Variants in PDE1C observed in about 807,000 individuals in gnomAD.
The protein encoded by PDE1C is phosphodiesterase 1C, also known as dual specificity calcium/calmodulin-dependent 3',5'-cyclic nucleotide phosphodiesterase 1C.
PDE1C carries 62 observed loss-of-function variants against 93.1 expected under a neutral mutation model. That is an observed-to-expected ratio of 0.67 (90% CI 0.54 to 0.82). The LOEUF (loss-of-function observed/expected upper bound fraction) is 0.82, where lower values mean the gene tolerates loss of function less well. Among genes scored for constraint, PDE1C ranks in the 40% least tolerant of loss-of-function variants. The pLI, the probability that PDE1C is intolerant of heterozygous loss-of-function variation, is 0.00. For synonymous variants in PDE1C, 325 were observed against 310.1 expected (o/e 1.05, Z -0.50); for missense variants, 742 against 884.6 (o/e 0.84, Z 2.04).
At chr7:32,224,806 T>C (rs781529947) in intron 1 of PDE1C, among the ~76,000 whole-genome samples, 9 of 152,178 alleles carry the variant, frequency 5.9e-5, no homozygotes, top group Non-Finnish European at 8.8e-5. Context: ...CCTTTCATTT[T>C]GCTATTAACA....
chr7:32,112,832 GTGTGTGTGTGTGTGTA>G (rs1343171684), intron 3 of PDE1C, among the ~76,000 whole-genome samples: 3 of 57,810 alleles, frequency 5.2e-5, no homozygotes, highest in African/African-American at 9.5e-5. Flanking sequence ...GTGTGTGTGT[GTGTGTGTGTGTGTGTA>G]TATATATATA....
At chr7:31,760,771 C>CAT (rs1794782648) in intron 17 of PDE1C, among the ~76,000 whole-genome samples, 1 of 151,376 alleles carries the variant, frequency 6.6e-6, no homozygotes, top group South Asian at 2.1e-4. Flanking sequence ...CACACACACA[C>CAT]ACACACACAC....
At chr7:32,402,388 A>G (rs1784964511) in intron 1 of PDE1C, among the ~76,000 whole-genome samples, 1 of 152,152 alleles carries the variant, frequency 6.6e-6, no homozygotes, top group African/African-American at 2.4e-5. Context: ...AAGAACCAGG[A>G]CAGCTGATAG....
chr7:32,051,236 C>A (rs1159411249), intron 2 of PDE1C, among the ~76,000 whole-genome samples: 1 of 152,172 alleles, frequency 6.6e-6, no homozygotes, highest in Non-Finnish European at 1.5e-5. Flanking sequence ...TGCTCCCCAT[C>A]CATAAACCTT....
At chr7:31,644,719 A>C in the PDE1C span, among the ~76,000 whole-genome samples, 2 of 152,188 alleles carry the variant, frequency 1.3e-5, no homozygotes, top group Non-Finnish European at 2.9e-5. Context: ...TAAGTTTTTA[A>C]GGTAAGAAAT....
intron 1 of PDE1C, among the ~76,000 whole-genome samples, chr7:32,061,473 C>T (rs948089051): frequency 3.9e-5 from 6 of 152,258 alleles, no homozygotes; most frequent in African/African-American, 1.4e-4. Flanking sequence ...GCCAAGCCCC[C>T]TCAATGGAGC....
intron 3 of PDE1C, among the ~76,000 whole-genome samples, chr7:32,140,972 T>G (rs1455986342): frequency 6.6e-6 from 1 of 152,222 alleles, no homozygotes; most frequent in African/African-American, 2.4e-5. Context: ...GGAATAAAAA[T>G]TTCTAAGACT....
chr7:32,183,266 C>T (rs1412498251), intron 2 of PDE1C, among the ~76,000 whole-genome samples: 1 of 152,070 alleles, frequency 6.6e-6, no homozygotes, highest in Non-Finnish European at 1.5e-5. Flanking sequence ...CATAAAGCTA[C>T]CAATGACTTT....
chr7:31,621,476 T>C, the PDE1C span, among the ~76,000 whole-genome samples: 1 of 137,938 alleles, frequency 7.2e-6, no homozygotes, highest in Non-Finnish European at 1.5e-5. Flanking sequence ...AAAAGAATTT[T>C]CAACCCAGAA....
At chr7:31,850,281 C>T (rs1437658581) in intron 8 of PDE1C, among the ~76,000 whole-genome samples, 1 of 152,154 alleles carries the variant, frequency 6.6e-6, no homozygotes, top group Non-Finnish European at 1.5e-5. Context: ...CTAATCCTCA[C>T]TGTCCTTATT....
chr7:32,180,962 T>TAATA lies in PDE1C; in HGVS notation c.137-11010_137-11007dup, dbSNP rs1355856362. ...GAAATAATTCAACAGACTCAGAAAA[T>TAATA]AATAGCTGGAAGTAATGAGGGGAAA... On this transcript the variant is annotated intron_variant, in intron 2 of 18. Transcript: ENST00000396193. Among the ~76,000 whole-genome samples, 107 of 152,100 alleles carry TAATA rather than the reference T, an allele frequency of 7.0e-4. 2 individuals are homozygous for TAATA. Among genetic ancestry groups the TAATA allele is most frequent in the Admixed American group, 4.6e-4 (7 of 15,280 alleles).
chr7:32,255,124 A>G (rs762725643), intron 1 of PDE1C, among the ~76,000 whole-genome samples: 3 of 152,222 alleles, frequency 2.0e-5, no homozygotes, highest in Non-Finnish European at 4.4e-5. Context: ...AAGAGGTCCC[A>G]GAGGCTAGTA....
intron 1 of PDE1C, among the ~76,000 whole-genome samples, chr7:32,296,023 C>T (rs1812594966): frequency 1.3e-5 from 2 of 151,338 alleles, no homozygotes; most frequent in South Asian, 4.2e-4. Flanking sequence ...TTTTTAAATA[C>T]TTTATATATA....
chr7:32,091,586 T>G (rs1797471549), intron 3 of PDE1C, among the ~76,000 whole-genome samples: 1 of 152,160 alleles, frequency 6.6e-6, no homozygotes, highest in Non-Finnish European at 1.5e-5. Context: ...GGAACCAGCC[T>G]CAAATGCAGA....
chr7:32,303,331 A>G (rs970959373), upstream of PDE1C, among the ~76,000 whole-genome samples: 50 of 152,254 alleles, frequency 3.3e-4, no homozygotes, highest in African/African-American at 1.2e-3. Context: ...AAGAGAGAAA[A>G]GAAGGAATTA....
intron 17 of PDE1C, among the ~76,000 whole-genome samples, chr7:31,760,612 GC>G (rs1025024278): frequency 1.1e-4 from 16 of 152,238 alleles, no homozygotes; most frequent in Non-Finnish European, 2.2e-4. Context: ...TCTACTTGGA[GC>G]TTTTGAGTAA....
intron 1 of PDE1C, among the ~76,000 whole-genome samples, chr7:32,354,643 A>C (rs1783996848): frequency 6.6e-6 from 1 of 152,200 alleles, no homozygotes; most frequent in Admixed American, 6.5e-5. Flanking sequence ...GCCCAAGCTC[A>C]TGAGTTTGGG....
chr7:32,108,433 CCACACACA>C (rs10696295), intron 3 of PDE1C, among the ~76,000 whole-genome samples: 2 of 146,686 alleles, frequency 1.4e-5, no homozygotes, highest in Non-Finnish European at 3.0e-5. Flanking sequence ...AGAAAAAAAA[CCACACACA>C]CACACACACA....
At chr7:31,813,605 A>T (rs11974727) in intron 15 of PDE1C, among the ~76,000 whole-genome samples, 6 of 152,018 alleles carry the variant, frequency 3.9e-5, no homozygotes, top group Admixed American at 3.9e-4. Flanking sequence ...TAACAGGTAC[A>T]TAATAAATTT....
Sources: gnomAD v4.1 joint callset for allele counts (sites outside exome capture counted in the v4.1 genomes callset) on GRCh38, gnomAD v4.1.1 for gene constraint, MANE v1.5 for transcripts, NCBI Gene and HGNC (gene_info 2026-07-23, HGNC 2026-07-21) for gene names.